The following HTR1F variants were observed in gnomAD, a reference collection of about 807,000 sequenced individuals.
HTR1F encodes 5-hydroxytryptamine (serotonin) receptor 1F, G protein-coupled.
HTR1F carries 17 observed loss-of-function variants against 24.0 expected under a neutral mutation model. That is an observed-to-expected ratio of 0.71 (90% confidence interval 0.48 to 1.06). HTR1F has a LOEUF of 1.06. Ranked by LOEUF, HTR1F falls within the 50% of genes least tolerant of loss-of-function variation. The pLI is 0.00. For missense variants in HTR1F, 391 were observed against 427.8 expected, an observed-to-expected ratio of 0.91 and a Z score of 0.76; for synonymous variants, 186 against 156.8, an observed-to-expected ratio of 1.19 and a Z score of -1.39.
chr3:87,974,972 T>C (rs1285270727), intron 2 of HTR1F, among the ~76,000 whole-genome samples: 1 of 152,170 alleles, frequency 6.6e-6, no homozygotes, highest in Non-Finnish European at 1.5e-5. Context: ...AGGGAATATA[T>C]AAATCCATCA....
At chr3:87,949,287 C>G (rs1226447633) in intron 2 of HTR1F, among the ~76,000 whole-genome samples, 1 of 152,210 alleles carries the variant, frequency 6.6e-6, no homozygotes, top group Non-Finnish European at 1.5e-5. Context: ...TTATTAATTA[C>G]TTAAGTACTT....
intron 2 of HTR1F, among the ~76,000 whole-genome samples, chr3:87,882,323 G>A (rs554389464): frequency 6.6e-6 from 1 of 152,136 alleles, no homozygotes; most frequent in Non-Finnish European, 1.5e-5. Flanking sequence ...TCTAGAACAA[G>A]AAATACCATT....
At chr3:87,815,925 T>C (rs1159381394) in intron 1 of HTR1F, among the ~76,000 whole-genome samples, 2 of 152,138 alleles carry the variant, frequency 1.3e-5, no homozygotes, top group South Asian at 4.1e-4. Flanking sequence ...ACAAAAGTTA[T>C]CTAGGCAATT....
chr3:87,927,045 G>C (rs1209310970), intron 2 of HTR1F, among the ~76,000 whole-genome samples: 2 of 152,110 alleles, frequency 1.3e-5, no homozygotes, highest in African/African-American at 4.8e-5. Flanking sequence ...AAATGACAGG[G>C]GAGTGGTGGA....
intron 2 of HTR1F, among the ~76,000 whole-genome samples, chr3:87,985,379 C>T (rs1705641395): frequency 6.6e-6 from 1 of 151,878 alleles, no homozygotes; most frequent in Non-Finnish European, 1.5e-5. Flanking sequence ...TGATAAGCCT[C>T]ATGACTGAAA....
intron 1 of HTR1F, among the ~76,000 whole-genome samples, chr3:87,794,437 G>A: frequency 6.6e-6 from 1 of 152,176 alleles, no homozygotes; most frequent in East Asian, 1.9e-4. Context: ...CTTTGGGAGA[G>A]GTGGTTCAAT....
intron 2 of HTR1F, among the ~76,000 whole-genome samples, chr3:87,827,111 T>TTTTC (rs1359785057): frequency 6.6e-6 from 1 of 151,490 alleles, no homozygotes; most frequent in African/African-American, 2.4e-5. Flanking sequence ...ACTATCATTA[T>TTTTC]TTTCTTTCTT....
chr3:87,987,862 A>T (rs535477511), intron 2 of HTR1F, among the ~76,000 whole-genome samples: 1 of 146,364 alleles, frequency 6.8e-6, no homozygotes, highest in Non-Finnish European at 1.5e-5. Flanking sequence ...TATGTATTTT[A>T]TATATATATG....
chr3:87,806,962 T>C (rs1704083819), intron 1 of HTR1F, among the ~76,000 whole-genome samples: 1 of 151,994 alleles, frequency 6.6e-6, no homozygotes, highest in Non-Finnish European at 1.5e-5. Context: ...TATTTCTGGG[T>C]TCTGTATTCG....
intron 1 of HTR1F, among the ~76,000 whole-genome samples, chr3:87,800,976 C>T (rs1327840335): frequency 6.6e-6 from 1 of 152,218 alleles, no homozygotes; most frequent in South Asian, 2.1e-4. Flanking sequence ...TATATAGTCT[C>T]ACTCAATAAC....
intron 1 of HTR1F, among the ~76,000 whole-genome samples, chr3:87,798,804 A>G (rs193027010): frequency 6.6e-6 from 1 of 152,222 alleles, no homozygotes. Context: ...TTAATCATCC[A>G]TGCCTTATTT....
intron 2 of HTR1F, among the ~76,000 whole-genome samples, chr3:87,957,448 T>C (rs563574346): frequency 9.5e-4 from 144 of 151,394 alleles, no homozygotes; most frequent in African/African-American, 3.4e-3. Flanking sequence ...GGTTTTGGTC[T>C]CAGGATAATT....
intron 1 of HTR1F, among the ~76,000 whole-genome samples, chr3:87,806,186 T>C (rs971064073): frequency 1.3e-5 from 2 of 152,160 alleles, no homozygotes; most frequent in Admixed American, 6.6e-5. Flanking sequence ...TTCCATGTCT[T>C]TGCTATTATG....
At chr3:87,905,802 T>C (rs1703655912) in intron 2 of HTR1F, among the ~76,000 whole-genome samples, 1 of 152,096 alleles carries the variant, frequency 6.6e-6, no homozygotes. Flanking sequence ...AAGATAGCAT[T>C]TTTTAAAGCT....
At chr3:87,954,688 G>A (rs2107468191) in intron 2 of HTR1F, among the ~76,000 whole-genome samples, 1 of 151,664 alleles carries the variant, frequency 6.6e-6, no homozygotes, top group African/African-American at 2.4e-5. Flanking sequence ...TGAAAGCCAC[G>A]AAGATAACCA....
At position 87,993,683 on chromosome 3, in the gene HTR1F, G is replaced by A. The variant is rs1220141019; in HGVS notation, c.*1833G>A. 1 of 167,014 alleles carries A rather than the reference G, an allele frequency of 6.0e-6. No homozygotes were observed. The highest frequency in any genetic ancestry group is 2.4e-5 in the African/African-American group (1 of 41,436). The allele number at this position is 167,014 out of a possible 1,614,324, so 10.3% of individuals were successfully genotyped here. A position where few individuals can be genotyped will look rare whatever the true frequency, so the allele number is the denominator to read the frequency against. On this transcript the variant is annotated 3_prime_UTR_variant, in exon 3 of 3. Coordinates refer to ENST00000319595, the MANE Select transcript of HTR1F (RefSeq NM_001322209.2). ...AGTTTGGCAACTATTTAGAGCAATA[G>A]AGGAAAAGGATATTAAAAGAAAAAT...
intron 1 of HTR1F, among the ~76,000 whole-genome samples, chr3:87,794,751 C>T (rs1321561175): frequency 1.3e-5 from 2 of 152,044 alleles, no homozygotes; most frequent in South Asian, 2.1e-4. Context: ...CCGCATTAGC[C>T]AAATTTTATT....
chr3:87,942,636 C>T (rs910692378), intron 2 of HTR1F, among the ~76,000 whole-genome samples: 2 of 152,012 alleles, frequency 1.3e-5, no homozygotes, highest in African/African-American at 2.4e-5. Context: ...CCTTGTAGAC[C>T]GCACTGGAAG....
intron 2 of HTR1F, among the ~76,000 whole-genome samples, chr3:87,931,534 C>T (rs1362878728): frequency 1.3e-5 from 2 of 152,094 alleles, no homozygotes; most frequent in Admixed American, 1.3e-4. Flanking sequence ...TTTATAGCAG[C>T]ATGATTTATA....
Sources: gnomAD v4.1 joint callset for allele counts (sites outside exome capture counted in the v4.1 genomes callset) on GRCh38, gnomAD v4.1.1 for gene constraint, MANE v1.5 for transcripts, NCBI Gene and HGNC (gene_info 2026-07-23, HGNC 2026-07-21) for gene names.